Variants in CRPPA observed in about 807,000 individuals in gnomAD.
CRPPA encodes the protein CDP-L-ribitol pyrophosphorylase A, also known as D-ribitol-5-phosphate cytidylyltransferase.
CRPPA carries 43 observed loss-of-function variants against 52.0 expected under a neutral mutation model. That is an observed-to-expected ratio of 0.83 (90% CI 0.65 to 1.07). The LOEUF is 1.07. Among genes scored for constraint, CRPPA ranks in the 50% least tolerant of loss-of-function variants. CRPPA has a pLI of 0.00. For synonymous variants in CRPPA, 250 were observed against 203.5 expected (o/e 1.23, Z -1.94); for missense variants, 629 against 551.7 (o/e 1.14, Z -1.40).
chr7:16,209,974 T>C (rs1562558449), intron 9 of CRPPA, among the ~76,000 whole-genome samples: 1 of 152,160 alleles, frequency 6.6e-6, no homozygotes. Flanking sequence ...CTCTCTTTAA[T>C]AAAAATTAGA....
intron 9 of CRPPA, among the ~76,000 whole-genome samples, chr7:16,158,154 G>A (rs202063213): frequency 6.6e-6 from 1 of 151,856 alleles, no homozygotes; most frequent in Non-Finnish European, 1.5e-5. Context: ...AAAGTGCTGG[G>A]ATTACAGGCG....
intron 3 of CRPPA, among the ~76,000 whole-genome samples, chr7:16,327,569 C>T (rs1056341471): frequency 3.0e-5 from 4 of 132,208 alleles, no homozygotes; most frequent in Admixed American, 8.4e-5. Context: ...GTCCGCAGTC[C>T]GGCCTGGGCG....
intron 3 of CRPPA, among the ~76,000 whole-genome samples, chr7:16,348,759 G>A (rs1786077339): frequency 2.0e-5 from 3 of 152,258 alleles, no homozygotes; most frequent in Middle Eastern, 6.8e-3. Flanking sequence ...CCTGAGCCAG[G>A]GCACTGCACA....
At chr7:16,107,030 A>G (rs1044866958) in intron 9 of CRPPA, among the ~76,000 whole-genome samples, 1 of 152,180 alleles carries the variant, frequency 6.6e-6, no homozygotes, top group African/African-American at 2.4e-5. Flanking sequence ...ATTAAGCAGA[A>G]GAATCAATTA....
chr7:16,222,640 G>C (rs1403949251), intron 8 of CRPPA, among the ~76,000 whole-genome samples: 1 of 152,050 alleles, frequency 6.6e-6, no homozygotes, highest in Non-Finnish European at 1.5e-5. Context: ...TGATTATCCA[G>C]TTAAGTAAAT....
chr7:16,242,788 C>A (rs1406677194), intron 8 of CRPPA, among the ~76,000 whole-genome samples: 3 of 152,018 alleles, frequency 2.0e-5, no homozygotes, highest in Non-Finnish European at 4.4e-5. Flanking sequence ...ATTTTTTTCA[C>A]CTAAGCAGGG....
intron 2 of CRPPA, among the ~76,000 whole-genome samples, chr7:16,382,505 A>G (rs559954250): frequency 7.2e-5 from 11 of 152,022 alleles, no homozygotes; most frequent in African/African-American, 2.2e-4. Context: ...TCTTTGTGGC[A>G]TTCTCTGTAT....
At chr7:16,308,768 A>C in intron 3 of CRPPA, 141 bp from the exon 4 acceptor site, 1 of 615,176 alleles carries the variant, frequency 1.6e-6, no homozygotes, top group Non-Finnish European at 2.9e-6. Context: ...ACTGAGTTAT[A>C]ACATCCCCAT....
chr7:16,285,672 A>G (rs1288350934), intron 5 of CRPPA, among the ~76,000 whole-genome samples: 1 of 152,024 alleles, frequency 6.6e-6, no homozygotes, highest in Non-Finnish European at 1.5e-5. Context: ...TTCTGTTAAT[A>G]CCTCAGTCAA....
At chr7:16,369,192 G>A (rs1398056984) in intron 3 of CRPPA, among the ~76,000 whole-genome samples, 1 of 152,088 alleles carries the variant, frequency 6.6e-6, no homozygotes, top group Admixed American at 6.6e-5. Flanking sequence ...AGCTCCCCGA[G>A]TGCACAATTT....
At chr7:16,352,444 A>G (rs1476520367) in intron 3 of CRPPA, among the ~76,000 whole-genome samples, 1 of 152,194 alleles carries the variant, frequency 6.6e-6, no homozygotes, top group Non-Finnish European at 1.5e-5. Context: ...TAAATGTGCA[A>G]AGGACCTGAA....
intron 9 of CRPPA, among the ~76,000 whole-genome samples, chr7:16,150,484 T>C (rs1240929389): frequency 1.3e-5 from 2 of 152,174 alleles, no homozygotes; most frequent in South Asian, 2.1e-4. Context: ...CATGACACTT[T>C]GAAAATATGA....
intron 9 of CRPPA, among the ~76,000 whole-genome samples, chr7:16,110,454 G>A (rs1782237958): frequency 6.6e-6 from 1 of 151,922 alleles, no homozygotes; most frequent in Non-Finnish European, 1.5e-5. Flanking sequence ...AAAAAACCTT[G>A]AATAGCCAAG....
rs542837415 is a variant in CRPPA at position 16,283,652 on chromosome 7, C to A, written c.836-5426G>T. 4.5e-4 allele frequency among the ~76,000 whole-genome samples: 68 copies of A among 151,460 alleles called. 1 individual carries two copies. Among genetic ancestry groups the A allele is most frequent in the Admixed American group, 4.5e-3 (68 of 15,170 alleles). On this transcript the variant is annotated intron_variant, in intron 5 of 9. Transcript: ENST00000407010. ...ATTTTGGGGGTAATTTTCCAGTTGT[C>A]TTTAATCTTCTGTGTGGCAATAGGA...
chr7:16,226,001 A>G (rs912829000), intron 8 of CRPPA, among the ~76,000 whole-genome samples: 2 of 152,038 alleles, frequency 1.3e-5, no homozygotes, highest in African/African-American at 4.8e-5. Flanking sequence ...GATGCCTGTA[A>G]GGCAGGTATA....
At chr7:16,108,456 G>A (rs4721472) in intron 9 of CRPPA, among the ~76,000 whole-genome samples, 119,671 of 151,756 alleles carry the variant, frequency 0.79, 48,578 homozygotes, top group Admixed American at 0.88. Flanking sequence ...TTAAGTATAT[G>A]AAACAAATAT....
intron 3 of CRPPA, among the ~76,000 whole-genome samples, chr7:16,312,954 T>C (rs1030227431): frequency 2.0e-5 from 3 of 151,912 alleles, no homozygotes; most frequent in East Asian, 1.9e-4. Context: ...CTTTTGTACA[T>C]TGTTGAATTC....
At chr7:16,374,702 A>T (rs1361307356) in intron 3 of CRPPA, among the ~76,000 whole-genome samples, 1 of 152,084 alleles carries the variant, frequency 6.6e-6, no homozygotes, top group African/African-American at 2.4e-5. Flanking sequence ...TTCCCAGCCA[A>T]GGTCAACTTC....
chr7:16,419,923 C>G (rs1047247414), intron 1 of CRPPA, among the ~76,000 whole-genome samples: 8 of 152,290 alleles, frequency 5.3e-5, no homozygotes, highest in East Asian at 3.9e-4. Context: ...AAACTCCAAT[C>G]TCCCGCACAG....
Sources: gnomAD v4.1 joint callset for allele counts (sites outside exome capture counted in the v4.1 genomes callset) on GRCh38, gnomAD v4.1.1 for gene constraint, MANE v1.5 for transcripts, NCBI Gene and HGNC (gene_info 2026-07-23, HGNC 2026-07-21) for gene names.